DPP9: variants seen among roughly 807,000 people sequenced by gnomAD.
DPP9 encodes the protein dipeptidyl peptidase 9, also known as dipeptidyl peptidase IV-related protein-2.
In DPP9, 50 loss-of-function variants were observed where a neutral mutation model predicts 110.7. The ratio of observed to expected loss-of-function variants is 0.45; its 90% CI spans 0.36 to 0.57. DPP9 has a LOEUF of 0.57. DPP9 is among the 20% of genes least tolerant of loss of function. The pLI is 0.00. For missense variants in DPP9, 1,022 were observed against 1,217.9 expected, an observed-to-expected ratio of 0.84 and a Z score of 2.39; for synonymous variants, 561 against 514.4, an observed-to-expected ratio of 1.09 and a Z score of -1.23.
chr19:4,704,045 T>G lies in DPP9; in HGVS notation c.610A>C (p.Met204Leu), dbSNP rs1240291951. 6 of 1,613,856 alleles carry G rather than the reference T, an allele frequency of 3.7e-6. No individual in the cohort carries two copies. In the African/African-American group the frequency reaches 6.7e-5, roughly 18 times the overall value. Residue 204 changes from methionine (M) to leucine (L), a missense_variant, in exon 7 of 22, where the codon ATG (methionine) becomes CTG (leucine). By Grantham distance (15) the Met-to-Leu change is conservative. Transcript: ENST00000262960. The surrounding 1 kb of genome is among the most constrained non-coding windows in gnomAD (Gnocchi z 6.0). ...TGGGTCTTGATTTCCAGCGGTTTCA[T>G]AGGGGACACCTGAGGACAGAGACGC... ...GGKNGFMVSP[M>L]KPLEIKTQCS...
In DPP9 at chr19:4,702,691, G is replaced by T. The variant is rs910749730; in HGVS notation, c.795C>A (p.Pro265=). 2 of 1,598,334 alleles carry T rather than the reference G, an allele frequency of 1.3e-6. No individual in the cohort carries two copies. The highest frequency in any genetic ancestry group is 4.5e-5 in the East Asian group (2 of 44,218). ...CGAAGGTGGCCACACCCGCAGACTT[G>T]GGGTCATCCAGGACATTGGATAAAC... is the stretch of plus-strand genomic sequence containing the variant. The part of the protein sequence containing the change: ...HQGLSNVLDD[P]KSAGVATFVI... Residue 265 remains proline, a synonymous_variant, in exon 8 of 22, where the codon CCC becomes CCA. Coordinates refer to ENST00000262960, the MANE Select transcript of DPP9 (RefSeq NM_139159.5).
rs1024289693 is a variant in DPP9 at position 4,685,844 on chromosome 19, A to C, written c.1886-73T>G. 13 of 1,558,432 alleles carry C rather than the reference A, an allele frequency of 8.3e-6. No individual in the cohort carries two copies. In the South Asian group the frequency reaches 1.5e-4, roughly 18 times the overall value. ...AGCTGACACCCTTGTTCTCCTGCCC[A>C]CCCCAAGCCTTGGAGGGTGGACCAA... On this transcript the variant is annotated intron_variant, in intron 16 of 21. Transcript: ENST00000262960. The surrounding 1 kb of genome is among the most constrained non-coding windows in gnomAD (Gnocchi z 5.8).
At chr19:4,711,425 G>A (rs965953830) in intron 4 of DPP9, among the ~76,000 whole-genome samples, 1 of 152,064 alleles carries the variant, frequency 6.6e-6, no homozygotes, top group African/African-American at 2.4e-5. Context: ...CTCTTGAGCT[G>A]AGGAGATGAT....
intron 14 of DPP9, 73 bp downstream of exon 14, chr19:4,690,805 G>C: frequency 1.8e-6 from 2 of 1,131,018 alleles, no homozygotes; most frequent in South Asian, 2.6e-5. Flanking sequence ...ATGCGCGTGC[G>C]TGTGTGTGTG....
intron 21 of DPP9, 144 bp downstream of exon 21, chr19:4,679,691 A>C: frequency 1.6e-6 from 1 of 626,750 alleles, no homozygotes; most frequent in Non-Finnish European, 2.8e-6. Context: ...GCGGGGACAC[A>C]GGGCTGTGGG....
At position 4,702,644 on chromosome 19, in the gene DPP9, C is replaced by A; in HGVS notation, c.842G>T (p.Arg281Leu). 1.2e-6 allele frequency: 2 copies of A among 1,604,218 alleles called. No homozygotes were observed. Among genetic ancestry groups the A allele is most frequent in the African/African-American group, 1.3e-5 (1 of 74,468 alleles). ...GGGGCACCACCAGTACCCAGTGAAGCGGTCGAACTCTTCCTGTATGACGAA... is the reference window on the plus strand; with the variant it reads ...GGGGCACCACCAGTACCCAGTGAAGAGGTCGAACTCTTCCTGTATGACGAA... ...ATFVIQEEFD[R>L]FTGYWWCPTA... Residue 281 changes from arginine (R) to leucine (L), a missense_variant, in exon 8 of 22, where the codon CGC (arginine) becomes CTC (leucine). By Grantham distance (102) the Arg-to-Leu change is moderately radical. Coordinates refer to ENST00000262960, the MANE Select transcript of DPP9 (RefSeq NM_139159.5).
rs1599947165 is a variant in DPP9, at chr19:4,714,286, T to C, written c.108A>G (p.Pro36=). 1 of 1,549,532 alleles carries C rather than the reference T, an allele frequency of 6.5e-7. No homozygotes were observed. The highest frequency in any genetic ancestry group is 8.7e-7 in the Non-Finnish European group (1 of 1,150,538). ...CGGCTGCGTCGCCTCGGTCGGCCGT[T>C]GGGGTCCCGGTGGTGGCCATCCTCT... The part of the protein sequence containing the change: ...GAERMATTGT[P]TADRGDAAAT... Residue 36 remains proline (P), a synonymous_variant, in exon 4 of 22, where the codon CCA becomes CCG. Coordinates refer to ENST00000262960, the MANE Select transcript of DPP9 (RefSeq NM_139159.5).
chr19:4,685,232 C>A lies in DPP9; in HGVS notation c.2031+394G>T. Reference sequence around the variant, plus strand: ...CGTATCCTCTGTGGGGACAGAGCTGCTCTGGGTAAGATGTGCGCCTAAGAT... The same window carrying A: ...CGTATCCTCTGTGGGGACAGAGCTGATCTGGGTAAGATGTGCGCCTAAGAT... On this transcript the variant is annotated intron_variant, in intron 17 of 21. Transcript: ENST00000262960. This position sits in a 1 kb window ranked among gnomAD's most constrained non-coding sequence, Gnocchi z 5.8. 1 of 519,564 alleles carries A rather than the reference C, an allele frequency of 1.9e-6. No individual in the cohort carries two copies. Among genetic ancestry groups the A allele is most frequent in the African/African-American group, 1.9e-5 (1 of 52,684 alleles). 32.2% of individuals were successfully genotyped at this position (519,564 alleles called of 1,614,324 possible). A position where few individuals can be genotyped will look rare whatever the true frequency, so the allele number is the denominator to read the frequency against.
intron 13 of DPP9, among the ~76,000 whole-genome samples, chr19:4,692,121 G>T (rs1193498454): frequency 6.6e-6 from 1 of 152,082 alleles, no homozygotes; most frequent in Non-Finnish European, 1.5e-5. Flanking sequence ...TCCCCGGCTG[G>T]AACAAGATGC....
Position 4,687,595 on chromosome 19 carries a change from G to A in DPP9, c.1885+1162C>T, listed in dbSNP as rs1403018070. On this transcript the variant is annotated intron_variant, in intron 16 of 21. Coordinates refer to ENST00000262960, the MANE Select transcript of DPP9 (RefSeq NM_139159.5). The surrounding 1 kb of genome is among the most constrained non-coding windows in gnomAD (Gnocchi z 4.7). ...TGCTCCTTTTCCTGATAAAGGCCTC[G>A]GAGTGTCGGCTCTGAGCAGGTGCTG... Among the ~76,000 whole-genome samples, 2 of 152,270 alleles carry A rather than the reference G, an allele frequency of 1.3e-5. No homozygotes were observed. Among genetic ancestry groups the A allele is most frequent in the Middle Eastern group, 3.4e-3 (1 of 294 alleles).
At position 4,718,719 on chromosome 19, in the gene DPP9, T is replaced by C. The variant is rs1166647005; in HGVS notation, c.56+1132A>G. The stretch of plus-strand genomic sequence containing the variant: ...TTCAGTAACTGACCCCTAAGGCATG[T>C]GCCCACCAGACGCTGGGACCACCCG... On this transcript the variant is annotated intron_variant, in intron 3 of 21. Transcript: ENST00000262960. The surrounding 1 kb of genome is among the most constrained non-coding windows in gnomAD (Gnocchi z 4.3). 1.3e-5 allele frequency among the ~76,000 whole-genome samples: 2 copies of C among 152,230 alleles called. No individual in the cohort carries two copies. Among genetic ancestry groups the C allele is most frequent in the East Asian group, 1.9e-4 (1 of 5,190 alleles).
At chr19:4,722,420 C>G in intron 2 of DPP9, 79 bp downstream of exon 2, 1 of 683,722 alleles carries the variant, frequency 1.5e-6, no homozygotes, top group Non-Finnish European at 2.7e-6. Flanking sequence ...CTGCCCATGT[C>G]TATATTCTAG....
At chr19:4,717,941 G>C (rs543250459) in intron 3 of DPP9, 1 of 152,456 alleles carries the variant, frequency 6.6e-6, no homozygotes, top group Admixed American at 6.5e-5. Flanking sequence ...TGGATTCCAG[G>C]CCACTTACTC....
At position 4,685,527 on chromosome 19, in the gene DPP9, C is replaced by G; in HGVS notation, c.2031+99G>C. ...GGCACCAGGCAGGTAGCCGGGGAGC[C>G]TCCTCTGGTTGACTGTTCTACAGCT... On this transcript the variant is annotated intron_variant, in intron 17 of 21. Transcript: ENST00000262960. This position sits in a 1 kb window ranked among gnomAD's most constrained non-coding sequence, Gnocchi z 5.8. 1 of 1,328,158 alleles carries G rather than the reference C, an allele frequency of 7.5e-7. No homozygotes were observed. Among genetic ancestry groups the G allele is most frequent in the Non-Finnish European group, 1.0e-6 (1 of 962,768 alleles). 82.3% of individuals were successfully genotyped at this position (1,328,158 alleles called of 1,614,324 possible). A position where few individuals can be genotyped will look rare whatever the true frequency, so the allele number is the denominator to read the frequency against.
At chr19:4,707,776 C>T (rs972240749) in intron 4 of DPP9, among the ~76,000 whole-genome samples, 14 of 151,952 alleles carry the variant, frequency 9.2e-5, no homozygotes, top group African/African-American at 3.4e-4. Context: ...CAGGCGCCCA[C>T]CACCACACCC....
Position 4,682,977 on chromosome 19 carries a change from G to A in DPP9, c.2332-139C>T. On this transcript the variant is annotated intron_variant, in intron 19 of 21. Transcript: ENST00000262960. This position sits in a 1 kb window ranked among gnomAD's most constrained non-coding sequence, Gnocchi z 7.1. ...TCATGCACATGGGGCCGGCAAGGAA[G>A]GGGCCCTCAGACCGCGTGGCCCCCG... 1 of 1,532,604 alleles carries A rather than the reference G, an allele frequency of 6.5e-7. No individual in the cohort carries two copies. The highest frequency in any genetic ancestry group is 8.7e-7 in the Non-Finnish European group (1 of 1,145,660). The allele number at this position is 1,532,604 out of a possible 1,614,324, so 94.9% of individuals were successfully genotyped here. A position where few individuals can be genotyped will look rare whatever the true frequency, so the allele number is the denominator to read the frequency against.
intron 21 of DPP9, among the ~76,000 whole-genome samples, chr19:4,678,674 C>T (rs938440561): frequency 2.0e-5 from 3 of 152,040 alleles, no homozygotes; most frequent in Non-Finnish European, 4.4e-5. Context: ...AGCTCATCAC[C>T]GCACAAGGTG....
chr19:4,717,102 A>G (rs1414646584), intron 3 of DPP9, among the ~76,000 whole-genome samples: 2 of 152,150 alleles, frequency 1.3e-5, no homozygotes, highest in Non-Finnish European at 2.9e-5. Flanking sequence ...ATGACAGGGG[A>G]AAATGCTTCC....
intron 18 of DPP9, chr19:4,683,938 C>A: frequency 1.1e-6 from 1 of 897,828 alleles, no homozygotes; most frequent in Non-Finnish European, 1.6e-6. Flanking sequence ...TTCTAGAGGG[C>A]ACAAGGAAGA....
Sources: allele counts gnomAD v4.1 joint callset (sites outside exome capture counted in the v4.1 genomes callset), GRCh38; gene constraint gnomAD v4.1.1; non-coding constraint Gnocchi (gnomAD v3.1); transcripts MANE v1.5; gene names NCBI Gene and HGNC (gene_info 2026-07-23, HGNC 2026-07-21).